TMEM132D: variants seen among roughly 807,000 people sequenced by gnomAD.
TMEM132D encodes transmembrane protein 132D.
TMEM132D carries 21 observed loss-of-function variants against 62.3 expected under a neutral mutation model. The observed-to-expected ratio is 0.34, with a 90% CI of 0.24 to 0.49. The LOEUF is 0.49. Among genes scored for constraint, TMEM132D ranks in the 20% least tolerant of loss-of-function variants. TMEM132D has a pLI of 0.99. For synonymous variants in TMEM132D, 621 were observed against 575.6 expected (o/e 1.08, Z -1.13); for missense variants, 1,346 against 1,402.8 (o/e 0.96, Z 0.65).
intron 3 of TMEM132D, among the ~76,000 whole-genome samples, chr12:129,460,695 C>G (rs966705825): frequency 4.6e-5 from 7 of 152,150 alleles, no homozygotes; most frequent in African/African-American, 1.7e-4. Context: ...TACCACATGA[C>G]GATGACCAGG....
chr12:129,717,333 G>C (rs1461094913), intron 1 of TMEM132D, among the ~76,000 whole-genome samples: 1 of 152,134 alleles, frequency 6.6e-6, no homozygotes, highest in African/African-American at 2.4e-5. Flanking sequence ...GATTCTTCAT[G>C]TGTCTCTTTA....
chr12:129,329,422 T>C (rs1411835265), intron 4 of TMEM132D, among the ~76,000 whole-genome samples: 3 of 152,220 alleles, frequency 2.0e-5, no homozygotes, highest in Non-Finnish European at 4.4e-5. Context: ...ATCTGGCATA[T>C]TAATTAACAG....
At chr12:129,230,318 T>C (rs1398400102) in intron 4 of TMEM132D, among the ~76,000 whole-genome samples, 24 of 143,608 alleles carry the variant, frequency 1.7e-4, no homozygotes, top group South Asian at 4.3e-4. Flanking sequence ...GGGGGGGGGC[T>C]CCCCAGCCTG....
intron 3 of TMEM132D, among the ~76,000 whole-genome samples, chr12:129,529,551 T>C (rs1005885115): frequency 6.6e-6 from 1 of 152,226 alleles, no homozygotes; most frequent in Non-Finnish European, 1.5e-5. Flanking sequence ...CAGTCTCTCA[T>C]AGACAAGACT....
At chr12:129,850,459 G>T (rs1873504153) in intron 1 of TMEM132D, among the ~76,000 whole-genome samples, 1 of 152,192 alleles carries the variant, frequency 6.6e-6, no homozygotes. Context: ...GGATGTGGGT[G>T]GGGCAAAAAT....
At chr12:129,391,653 G>C (rs1434109305) in intron 3 of TMEM132D, among the ~76,000 whole-genome samples, 1 of 152,138 alleles carries the variant, frequency 6.6e-6, no homozygotes, top group Non-Finnish European at 1.5e-5. Flanking sequence ...AAAATCATCA[G>C]CAGTGCTTTA....
At chr12:129,874,272 A>G (rs550451065) in intron 1 of TMEM132D, among the ~76,000 whole-genome samples, 9 of 152,270 alleles carry the variant, frequency 5.9e-5, no homozygotes, top group African/African-American at 2.2e-4. Flanking sequence ...CCATAAATAC[A>G]TACAATTTTT....
chr12:129,519,277 A>T (rs1391578961), intron 3 of TMEM132D, among the ~76,000 whole-genome samples: 3 of 152,130 alleles, frequency 2.0e-5, no homozygotes, highest in African/African-American at 7.2e-5. Flanking sequence ...AGTAGCTGTG[A>T]CTTTTCGCCA....
At chr12:129,110,585 C>A (rs926596206) in intron 5 of TMEM132D, 4 of 152,182 alleles carry the variant, frequency 2.6e-5, no homozygotes, top group Non-Finnish European at 2.9e-5. Context: ...CCCAGAAGCA[C>A]CCACAATCCA....
At chr12:129,374,735 C>T (rs1343733634) in intron 3 of TMEM132D, among the ~76,000 whole-genome samples, 1 of 152,162 alleles carries the variant, frequency 6.6e-6, no homozygotes, top group Non-Finnish European at 1.5e-5. Context: ...TGCTCCGAGA[C>T]TGTTAGACAC....
At chr12:129,521,550 C>A (rs1875847840) in intron 3 of TMEM132D, 1 of 152,112 alleles carries the variant, frequency 6.6e-6, no homozygotes, top group Admixed American at 6.6e-5. Flanking sequence ...ATTAAGGTAA[C>A]CAGGTACTTC....
At chr12:129,615,795 C>CAAAAT (rs767430381) in intron 2 of TMEM132D, among the ~76,000 whole-genome samples, 9,395 of 138,974 alleles carry the variant, frequency 0.068, 641 homozygotes, top group African/African-American at 0.16. Flanking sequence ...CAAAACAAAA[C>CAAAAT]AAAATAAAAT....
intron 1 of TMEM132D, among the ~76,000 whole-genome samples, chr12:129,792,533 A>G (rs933047458): frequency 2.0e-5 from 3 of 152,206 alleles, no homozygotes; most frequent in Non-Finnish European, 4.4e-5. Flanking sequence ...CCTGTGAGGC[A>G]CCAGGCGCTG....
At chr12:129,492,965 C>A (rs111358994) in intron 3 of TMEM132D, among the ~76,000 whole-genome samples, 1 of 152,088 alleles carries the variant, frequency 6.6e-6, no homozygotes, top group Admixed American at 6.6e-5. Context: ...TGGATAGCGG[C>A]GCCAAGTCAC....
chr12:129,452,712 GAA>G (rs1263435310), intron 3 of TMEM132D, among the ~76,000 whole-genome samples: 4 of 136,028 alleles, frequency 2.9e-5, no homozygotes, highest in Non-Finnish European at 6.4e-5. Flanking sequence ...AAAGAAAGAA[GAA>G]AGGAGGGGAG....
intron 4 of TMEM132D, among the ~76,000 whole-genome samples, chr12:129,231,871 G>T (rs1176523472): frequency 3.9e-5 from 6 of 152,210 alleles, no homozygotes; most frequent in Non-Finnish European, 8.8e-5. Context: ...CCAGAGAAGT[G>T]GTTCTCAACC....
intron 1 of TMEM132D, among the ~76,000 whole-genome samples, chr12:129,769,621 G>A (rs914148566): frequency 6.6e-6 from 1 of 152,076 alleles, no homozygotes; most frequent in African/African-American, 2.4e-5. Flanking sequence ...TTGAAGAGAC[G>A]GATAAAAGCC....
intron 3 of TMEM132D, among the ~76,000 whole-genome samples, chr12:129,402,929 C>T (rs80347604): frequency 0.022 from 3,347 of 152,148 alleles, 121 homozygotes; most frequent in African/African-American, 0.076. Flanking sequence ...CACCCACAGT[C>T]ACCTTTATTT....
At chr12:129,545,551 G>C (rs2137101289) in intron 2 of TMEM132D, among the ~76,000 whole-genome samples, 1 of 152,240 alleles carries the variant, frequency 6.6e-6, no homozygotes, top group Middle Eastern at 3.4e-3. Flanking sequence ...GTGCTGTGCT[G>C]TGGATCTCTA....
Sources: allele counts gnomAD v4.1 joint callset (sites outside exome capture counted in the v4.1 genomes callset), GRCh38; gene constraint gnomAD v4.1.1; transcripts MANE v1.5; gene names NCBI Gene and HGNC (gene_info 2026-07-23, HGNC 2026-07-21).